The following GPHN variants were observed in gnomAD, a reference collection of about 807,000 sequenced individuals.
GPHN encodes gephyrin.
In GPHN, 17 loss-of-function variants were observed where a neutral mutation model predicts 95.5. That is an observed-to-expected ratio of 0.18 (90% CI 0.12 to 0.27). The LOEUF (loss-of-function observed/expected upper bound fraction) is 0.27. GPHN is among the 10% of genes least tolerant of loss of function. The pLI, the probability that GPHN is intolerant of heterozygous loss-of-function variation, is 1.00. For missense variants in GPHN, 660 were observed against 978.1 expected (o/e 0.67, Z 4.34); for synonymous variants, 320 against 322.5 (o/e 0.99, Z 0.08).
the GPHN span, chr14:67,615,706 A>G: frequency 2.0e-6 from 1 of 499,390 alleles, no homozygotes; most frequent in Non-Finnish European, 3.9e-6. Flanking sequence ...CGAAAGAGAA[A>G]TGAAAACATA....
intron 2 of GPHN, among the ~76,000 whole-genome samples, chr14:66,698,412 A>T (rs578259607): frequency 1.3e-5 from 2 of 152,180 alleles, no homozygotes; most frequent in Non-Finnish European, 2.9e-5. Context: ...AAATTGAACT[A>T]TATGTTCAGT....
At chr14:66,681,303 TAATG>T in intron 2 of GPHN, 118 bp downstream of exon 2, 1 of 694,054 alleles carries the variant, frequency 1.4e-6, no homozygotes, top group Non-Finnish European at 2.5e-6. Flanking sequence ...TCTTTTCTAA[TAATG>T]CGTTTTACAC....
At chr14:66,708,539 A>G (rs2069311884) in intron 2 of GPHN, among the ~76,000 whole-genome samples, 1 of 152,178 alleles carries the variant, frequency 6.6e-6, no homozygotes, top group Non-Finnish European at 1.5e-5. Flanking sequence ...TTTACAAGAT[A>G]AATAACTCCC....
chr14:67,062,087 A>T (rs1189822096), intron 11 of GPHN, among the ~76,000 whole-genome samples: 1 of 151,678 alleles, frequency 6.6e-6, no homozygotes, highest in Non-Finnish European at 1.5e-5. Flanking sequence ...CATGGATATA[A>T]AAAAAAAGCA....
chr14:66,715,300 A>G (rs920733461), intron 2 of GPHN, among the ~76,000 whole-genome samples: 1 of 151,770 alleles, frequency 6.6e-6, no homozygotes, highest in Non-Finnish European at 1.5e-5. Context: ...GATCTTTTAT[A>G]TTTCTGTGGT....
chr14:67,362,075 G>T, the GPHN span, among the ~76,000 whole-genome samples: 1 of 146,318 alleles, frequency 6.8e-6, no homozygotes, highest in Admixed American at 6.9e-5. Context: ...AGGCTGGAGT[G>T]TAGTGGCACG....
chr14:67,016,634 A>C (rs1345254766), intron 9 of GPHN, among the ~76,000 whole-genome samples: 1 of 152,138 alleles, frequency 6.6e-6, no homozygotes, highest in Non-Finnish European at 1.5e-5. Context: ...AGAAACATCC[A>C]TATTTTGCAA....
the GPHN span, among the ~76,000 whole-genome samples, chr14:67,702,717 G>GGT: frequency 6.6e-6 from 1 of 151,702 alleles, no homozygotes; most frequent in African/African-American, 2.4e-5. Flanking sequence ...AAGTCAATTG[G>GGT]GTATCATGTA....
chr14:66,607,698 A>G (rs1417964894), intron 1 of GPHN, among the ~76,000 whole-genome samples: 1 of 151,702 alleles, frequency 6.6e-6, no homozygotes, highest in African/African-American at 2.4e-5. Context: ...TGGTCTTTTC[A>G]GGTTTTCACT....
At chr14:66,901,198 A>AT (rs1174846211) in intron 5 of GPHN, among the ~76,000 whole-genome samples, 4 of 151,906 alleles carry the variant, frequency 2.6e-5, no homozygotes, top group Non-Finnish European at 5.9e-5. Context: ...TAGTTTGCTC[A>AT]TTTTTTAATT....
At chr14:67,430,400 C>T in the GPHN span, among the ~76,000 whole-genome samples, 2 of 152,296 alleles carry the variant, frequency 1.3e-5, no homozygotes, top group East Asian at 3.9e-4. Flanking sequence ...CAAGCCTGTG[C>T]CGGACCCACG....
chr14:67,233,387 C>A, the GPHN span, among the ~76,000 whole-genome samples: 1 of 152,078 alleles, frequency 6.6e-6, no homozygotes, highest in Non-Finnish European at 1.5e-5. Flanking sequence ...GGCAATCTGC[C>A]CACCTTGGCT....
chr14:66,746,573 GCAGA>G (rs1260606042), intron 2 of GPHN, among the ~76,000 whole-genome samples: 1 of 150,230 alleles, frequency 6.7e-6, no homozygotes, highest in Non-Finnish European at 1.5e-5. Context: ...CCATAAATGG[GCAGA>G]TCCAGGGTGA....
At chr14:67,557,446 A>G in the GPHN span, 3 of 1,606,148 alleles carry the variant, frequency 1.9e-6, no homozygotes, top group Non-Finnish European at 2.5e-6. Context: ...AGGGAGCACC[A>G]TGCCCTCTTC....
chr14:67,270,571 C>T, the GPHN span: 5 of 146,752 alleles, frequency 3.4e-5, no homozygotes, highest in African/African-American at 1.3e-4. Flanking sequence ...TTACCAGCTT[C>T]TGAATTGTCA....
intron 1 of GPHN, among the ~76,000 whole-genome samples, chr14:66,644,129 G>T (rs181909068): frequency 3.1e-3 from 473 of 151,948 alleles, no homozygotes; most frequent in Non-Finnish European, 5.6e-3. Flanking sequence ...GTTGACATTT[G>T]GATTTCTCTG....
At chr14:67,469,472 A>G in the GPHN span, among the ~76,000 whole-genome samples, 8 of 108,286 alleles carry the variant, frequency 7.4e-5, no homozygotes, top group African/African-American at 2.5e-4. Flanking sequence ...TTTTGTAGAG[A>G]TGGTGGTCTC....
chr14:67,468,968 GC>G, the GPHN span, among the ~76,000 whole-genome samples: 1 of 151,684 alleles, frequency 6.6e-6, no homozygotes, highest in African/African-American at 2.4e-5. Context: ...TCGGGGACCT[GC>G]CTCTTGCCTC....
chr14:67,264,135 T>C, the GPHN span, among the ~76,000 whole-genome samples: 3 of 152,234 alleles, frequency 2.0e-5, no homozygotes, highest in African/African-American at 4.8e-5. Context: ...TGCAACCATA[T>C]GTACAAGAGT....
Sources: allele counts gnomAD v4.1 joint callset (sites outside exome capture counted in the v4.1 genomes callset), GRCh38; gene constraint gnomAD v4.1.1; transcripts MANE v1.5; gene names NCBI Gene and HGNC (gene_info 2026-07-23, HGNC 2026-07-21).